APBB1IP: variants seen among roughly 807,000 people sequenced by gnomAD.
The protein encoded by APBB1IP is amyloid beta A4 precursor protein-binding family B member 1-interacting protein.
Under a neutral mutation model 64.9 loss-of-function variants are expected in APBB1IP, and 27 were observed. That is an observed-to-expected ratio of 0.42 (90% CI 0.31 to 0.57). The LOEUF (loss-of-function observed/expected upper bound fraction) is 0.57. Among genes scored for constraint, APBB1IP ranks in the 20% least tolerant of loss-of-function variants. The probability of loss-of-function intolerance (pLI) is 0.20; values close to 1 mark genes in which losing one functional copy is unlikely to be tolerated. For missense variants in APBB1IP, 812 were observed against 845.5 expected, an observed-to-expected ratio of 0.96 and a Z score of 0.49; for synonymous variants, 392 against 331.0, an observed-to-expected ratio of 1.18 and a Z score of -2.00.
At chr10:26,545,415 A>T (rs1301999714) in intron 11 of APBB1IP, among the ~76,000 whole-genome samples, 1 of 152,016 alleles carries the variant, frequency 6.6e-6, no homozygotes, top group East Asian at 1.9e-4. Flanking sequence ...ACCTGAGGTC[A>T]GAAGTTTGAG....
At chr10:26,538,641 CAAA>C (rs765081330) in intron 10 of APBB1IP, among the ~76,000 whole-genome samples, 1 of 77,836 alleles carries the variant, frequency 1.3e-5, no homozygotes. Flanking sequence ...GATTCCATCT[CAAA>C]AAAAAAAAAA....
intron 2 of APBB1IP, among the ~76,000 whole-genome samples, chr10:26,489,235 T>C (rs183725207): frequency 5.5e-4 from 84 of 152,314 alleles, no homozygotes; most frequent in Non-Finnish European, 5.9e-5. Flanking sequence ...GGGTAGTTTT[T>C]GTGTTTCTCA....
rs139992258 is a variant in APBB1IP, at chr10:26,476,411, C to T, written c.1-15916C>T. Among the ~76,000 whole-genome samples, 407 of 130,608 alleles carry T rather than the reference C, an allele frequency of 3.1e-3. 3 individuals are homozygous for T. Among genetic ancestry groups the T allele is most frequent in the African/African-American group, 0.01 (351 of 34,288 alleles). 85.7% of individuals were successfully genotyped at this position (130,608 alleles called of 152,430 possible). A position where few individuals can be genotyped will look rare whatever the true frequency, so the allele number is the denominator to read the frequency against. On this transcript the variant is annotated intron_variant, in intron 2 of 14. Coordinates refer to ENST00000376236, the MANE Select transcript of APBB1IP (RefSeq NM_019043.4). Reference sequence around the variant, plus strand: ...GCAGTGAGCTCTGATTGCACCACTGCACTCCAGTCTGTGTGACAGAGCAAG... The same window carrying T: ...GCAGTGAGCTCTGATTGCACCACTGTACTCCAGTCTGTGTGACAGAGCAAG...
In APBB1IP at chr10:26,567,325, T is replaced by C; in HGVS notation, c.1838T>C (p.Val613Ala). The change falls in exon 15 of 15, where the codon GTC (valine) becomes GCC (alanine). Residue 613 changes from valine (V) to alanine (A), a missense_variant. Val to Ala is a moderately conservative substitution (Grantham distance 64, BLOSUM62 0). Coordinates refer to ENST00000376236, the MANE Select transcript of APBB1IP (RefSeq NM_019043.4). ...PPPPAPAPAPVPDSARPPPAV... is the reference protein window; with the variant it reads ...PPPPAPAPAPAPDSARPPPAV... The stretch of plus-strand genomic sequence containing the variant: ...CCGCCCGCGCCCGCGCCCGCCCCCG[T>C]CCCCGACTCCGCCAGGCCGCCCCCC... The C allele has an allele frequency of 7.7e-7, 1 of 1,299,912 alleles. No individual in the cohort carries two copies. Among genetic ancestry groups the C allele is most frequent in the Non-Finnish European group, 9.9e-7 (1 of 1,006,652 alleles). The allele number at this position is 1,299,912 out of a possible 1,614,324, so 80.5% of individuals were successfully genotyped here.
chr10:26,486,194 G>A (rs960831805), intron 2 of APBB1IP, among the ~76,000 whole-genome samples: 4 of 152,202 alleles, frequency 2.6e-5, no homozygotes, highest in African/African-American at 9.7e-5. Context: ...TTCATCATAA[G>A]CAGCCAGGGA....
At chr10:26,475,047 G>T (rs1032926660) in intron 2 of APBB1IP, among the ~76,000 whole-genome samples, 2 of 152,128 alleles carry the variant, frequency 1.3e-5, no homozygotes, top group Admixed American at 6.5e-5. Flanking sequence ...AGATGAGAAC[G>T]TGGCTCTATG....
intron 2 of APBB1IP, among the ~76,000 whole-genome samples, chr10:26,453,628 A>G (rs1835489099): frequency 6.6e-6 from 1 of 152,136 alleles, no homozygotes; most frequent in Non-Finnish European, 1.5e-5. Context: ...CATGGAGACC[A>G]CTAGTGTTCC....
rs992832729 is a variant in APBB1IP at position 26,475,435 on chromosome 10, C to T, written c.1-16892C>T. On this transcript the variant is annotated intron_variant, in intron 2 of 14. Coordinates refer to ENST00000376236, the MANE Select transcript of APBB1IP (RefSeq NM_019043.4). ...CGTGCCTGGCCTTCCCTTGCTTTTT[C>T]TTTGTGTGGATTTGAGTACATGTCA... Among the ~76,000 whole-genome samples the T allele has an allele frequency of 7.9e-5, 12 of 152,104 alleles. 1 individual carries two copies. The highest frequency in any genetic ancestry group is 4.6e-4 in the Admixed American group (7 of 15,260).
chr10:26,559,034 C>A (rs989953091), intron 11 of APBB1IP, among the ~76,000 whole-genome samples: 1 of 152,244 alleles, frequency 6.6e-6, no homozygotes. Context: ...AAGGTCATCA[C>A]AAAACTCTGA....
At chr10:26,495,161 C>A (rs1182359907) in intron 3 of APBB1IP, among the ~76,000 whole-genome samples, 1 of 151,596 alleles carries the variant, frequency 6.6e-6, no homozygotes, top group Non-Finnish European at 1.5e-5. Flanking sequence ...GTGTGCACCA[C>A]CACACCCAGC....
intron 6 of APBB1IP, among the ~76,000 whole-genome samples, chr10:26,508,475 AAAG>A (rs1374933254): frequency 6.6e-6 from 1 of 152,040 alleles, no homozygotes; most frequent in Non-Finnish European, 1.5e-5. Flanking sequence ...TCTTGCAAAA[AAAG>A]AAGAAATTAT....
intron 2 of APBB1IP, among the ~76,000 whole-genome samples, chr10:26,441,826 A>C (rs12257389): frequency 0.031 from 4,705 of 152,292 alleles, 238 homozygotes; most frequent in African/African-American, 0.11. Flanking sequence ...CTTCTCTGTC[A>C]ACTCAGTTTT....
intron 2 of APBB1IP, among the ~76,000 whole-genome samples, chr10:26,472,283 T>C (rs1835727395): frequency 6.6e-6 from 1 of 152,222 alleles, no homozygotes; most frequent in Non-Finnish European, 1.5e-5. Context: ...GCTGATTAAA[T>C]TATAGTGCAG....
At chr10:26,490,604 G>T (rs907748598) in intron 2 of APBB1IP, among the ~76,000 whole-genome samples, 1 of 152,056 alleles carries the variant, frequency 6.6e-6, no homozygotes, top group Non-Finnish European at 1.5e-5. Flanking sequence ...CAGCCTGGGC[G>T]ACAAGAGCAA....
At chr10:26,547,537 G>C (rs1181269645) in intron 11 of APBB1IP, among the ~76,000 whole-genome samples, 1 of 152,068 alleles carries the variant, frequency 6.6e-6, no homozygotes, top group Non-Finnish European at 1.5e-5. Flanking sequence ...CGCCTCTCGG[G>C]TTCAAGCAAT....
intron 9 of APBB1IP, 62 bp downstream of exon 9, chr10:26,533,587 T>C (rs1196541585): frequency 3.9e-5 from 44 of 1,140,224 alleles, no homozygotes; most frequent in Non-Finnish European, 4.9e-5. Flanking sequence ...TTTAAGTCAT[T>C]TGCTTCCGAG....
intron 2 of APBB1IP, among the ~76,000 whole-genome samples, chr10:26,460,048 T>C (rs1164676475): frequency 6.6e-6 from 1 of 152,216 alleles, no homozygotes; most frequent in Non-Finnish European, 1.5e-5. Flanking sequence ...AATTTAATGA[T>C]GACTCAGTTC....
chr10:26,510,248 G>A (rs762032014), intron 6 of APBB1IP, among the ~76,000 whole-genome samples: 16 of 152,278 alleles, frequency 1.1e-4, no homozygotes, highest in East Asian at 3.9e-4. Context: ...GATAACAGGC[G>A]TGAGCCACCA....
chr10:26,493,302 T>A (rs556913043), intron 3 of APBB1IP, among the ~76,000 whole-genome samples: 2 of 152,186 alleles, frequency 1.3e-5, no homozygotes, highest in African/African-American at 4.8e-5. Context: ...CATCACAGGG[T>A]CCTAAGGCGA....
Sources: allele counts gnomAD v4.1 joint callset (sites outside exome capture counted in the v4.1 genomes callset), GRCh38; gene constraint gnomAD v4.1.1; transcripts MANE v1.5; gene names NCBI Gene and HGNC (gene_info 2026-07-23, HGNC 2026-07-21).